The following IL26 variants were observed in gnomAD, a reference collection of about 807,000 sequenced individuals.
IL26 encodes the protein interleukin 26, also known as interleukin-26.
IL26 carries 23 observed loss-of-function variants against 21.7 expected under a neutral mutation model. The ratio of observed to expected loss-of-function variants is 1.06; its 90% CI spans 0.76 to 1.50. IL26 has a LOEUF of 1.50. Ranked by LOEUF, IL26 falls within the 40% of genes most tolerant of loss-of-function variation. The pLI, the probability that IL26 is intolerant of heterozygous loss-of-function variation, is 0.00. For missense variants in IL26, 204 were observed against 196.0 expected, an observed-to-expected ratio of 1.04 and a Z score of -0.24; for synonymous variants, 63 against 67.8, an observed-to-expected ratio of 0.93 and a Z score of 0.34.
rs111848455 is a variant in IL26, at chr12:68,205,917, G to A, written c.364-3834C>T. On this transcript the variant is annotated intron_variant, in intron 3 of 4. Coordinates refer to ENST00000229134, the MANE Select transcript of IL26 (RefSeq NM_018402.2). ...CTTCTTCTATGTCTTCTTCCTCATC[G>A]TCTGGCACTGGTTCAGAAACACTCA... 4.6e-4 allele frequency among the ~76,000 whole-genome samples: 70 copies of A among 152,122 alleles called. 2 individuals are homozygous for A. The highest frequency in any genetic ancestry group is 1.5e-3 in the African/African-American group (64 of 41,478).
intron 3 of IL26, among the ~76,000 whole-genome samples, chr12:68,221,992 ATACCCT>A (rs1869058769): frequency 6.6e-6 from 1 of 152,248 alleles, no homozygotes. Context: ...AACCAGAGTC[ATACCCT>A]ATTTGGTAAA....
chr12:68,205,335 C>CG (rs1487109918), intron 3 of IL26, among the ~76,000 whole-genome samples: 1 of 138,702 alleles, frequency 7.2e-6, no homozygotes, highest in African/African-American at 2.7e-5. Context: ...CATTAGACCC[C>CG]CCCCAAATTA....
At chr12:68,202,838 T>C (rs1868425974) in intron 3 of IL26, among the ~76,000 whole-genome samples, 1 of 151,746 alleles carries the variant, frequency 6.6e-6, no homozygotes, top group African/African-American at 2.4e-5. Context: ...AGAGAGAAAG[T>C]TGGGGAGAAG....
intron 3 of IL26, among the ~76,000 whole-genome samples, chr12:68,218,187 CA>C (rs1347584324): frequency 2.6e-5 from 4 of 152,054 alleles, no homozygotes; most frequent in African/African-American, 4.8e-5. Context: ...GACATTTGAT[CA>C]AAATTACCAG....
intron 3 of IL26, among the ~76,000 whole-genome samples, chr12:68,204,205 G>A (rs889063403): frequency 2.8e-5 from 4 of 144,362 alleles, no homozygotes; most frequent in African/African-American, 1.0e-4. Context: ...GTGCAGTGGC[G>A]CAATCTTGGC....
At chr12:68,216,514 C>T (rs891303813) in intron 3 of IL26, among the ~76,000 whole-genome samples, 1 of 152,156 alleles carries the variant, frequency 6.6e-6, no homozygotes, top group Admixed American at 6.5e-5. Flanking sequence ...ATTCTCCCAA[C>T]GACCTTAAGA....
chr12:68,212,632 A>G (rs953970623), intron 3 of IL26, among the ~76,000 whole-genome samples: 3 of 152,054 alleles, frequency 2.0e-5, no homozygotes, highest in Non-Finnish European at 2.9e-5. Flanking sequence ...TTCCTTGGTT[A>G]AATTTATTCC....
intron 3 of IL26, among the ~76,000 whole-genome samples, chr12:68,203,863 G>A (rs931385174): frequency 6.6e-6 from 1 of 152,118 alleles, no homozygotes; most frequent in Non-Finnish European, 1.5e-5. Context: ...GACACAGACT[G>A]CTCAGCTTAA....
intron 3 of IL26, among the ~76,000 whole-genome samples, chr12:68,204,435 G>A (rs1868477511): frequency 6.6e-6 from 1 of 152,076 alleles, no homozygotes; most frequent in Admixed American, 6.5e-5. Context: ...GAGCCGCCGC[G>A]CCTGGCCAGG....
At chr12:68,216,535 G>C (rs1318997154) in intron 3 of IL26, among the ~76,000 whole-genome samples, 4 of 152,174 alleles carry the variant, frequency 2.6e-5, no homozygotes, top group Non-Finnish European at 5.9e-5. Context: ...TGAGGCTACT[G>C]TTATTGAAGA....
At chr12:68,222,732 A>T (rs1461447446) in intron 3 of IL26, among the ~76,000 whole-genome samples, 1 of 152,070 alleles carries the variant, frequency 6.6e-6, no homozygotes. Context: ...ACCAATTGTG[A>T]CTTGATCACT....
chr12:68,203,688 C>T (rs2120417776), intron 3 of IL26, among the ~76,000 whole-genome samples: 2 of 152,268 alleles, frequency 1.3e-5, no homozygotes, highest in South Asian at 4.2e-4. Flanking sequence ...CTGAGGTCAA[C>T]CAACAGGTCT....
At chr12:68,215,572 T>G (rs1321694833) in intron 3 of IL26, among the ~76,000 whole-genome samples, 1 of 152,214 alleles carries the variant, frequency 6.6e-6, no homozygotes, top group Non-Finnish European at 1.5e-5. Context: ...AGAGAAATTA[T>G]GTATCATTAA....
intron 3 of IL26, among the ~76,000 whole-genome samples, chr12:68,223,157 C>CG (rs1356232445): frequency 3.3e-5 from 5 of 152,240 alleles, no homozygotes; most frequent in African/African-American, 1.2e-4. Flanking sequence ...TTATGTTTCA[C>CG]GGGGGAGCTT....
rs1343056728 is a variant in IL26 at position 68,225,616 on chromosome 12, G to T, written c.141C>A (p.Ile47=). The part of the protein sequence containing the change: ...TLSQAVDALY[I]KAAWLKATIP... ...TCGTTGCTTTGAGCCATGCTGCTTT[G>T]ATATAGAGAGCGTCAACAGCTTGGG... Residue 47 remains isoleucine, a synonymous_variant, in exon 1 of 5, where the codon ATC becomes ATA. Coordinates refer to ENST00000229134, the MANE Select transcript of IL26 (RefSeq NM_018402.2). The T allele has an allele frequency of 1.5e-5, 25 of 1,613,894 alleles. No individual in the cohort carries two copies. Among genetic ancestry groups the T allele is most frequent in the Non-Finnish European group, 1.9e-5 (23 of 1,179,908 alleles).
At chr12:68,222,763 C>G (rs1869091112) in intron 3 of IL26, among the ~76,000 whole-genome samples, 1 of 152,134 alleles carries the variant, frequency 6.6e-6, no homozygotes, top group South Asian at 2.1e-4. Context: ...ATCCCCAGAG[C>G]TTTGTTTTAC....
chr12:68,222,494 A>C (rs1861490), intron 3 of IL26, among the ~76,000 whole-genome samples: 42,105 of 152,138 alleles, frequency 0.28, 7,241 homozygotes, highest in Non-Finnish European at 0.4. Context: ...TTGCTCAATC[A>C]ACCCCTCAGA....
intron 2 of IL26, 56 bp from the exon 3 acceptor site, chr12:68,225,339 TC>T: frequency 6.4e-7 from 1 of 1,557,050 alleles, no homozygotes; most frequent in Non-Finnish European, 8.7e-7. Context: ...TTTTTTAATG[TC>T]CCCCGATCAT....
chr12:68,209,018 A>T (rs963542378), intron 3 of IL26, among the ~76,000 whole-genome samples: 10 of 152,232 alleles, frequency 6.6e-5, no homozygotes, highest in African/African-American at 2.4e-4. Flanking sequence ...AGTGACCCTT[A>T]TAACTTTGTC....
Sources: gnomAD v4.1 joint callset for allele counts (sites outside exome capture counted in the v4.1 genomes callset) on GRCh38, gnomAD v4.1.1 for gene constraint, MANE v1.5 for transcripts, NCBI Gene and HGNC (gene_info 2026-07-23, HGNC 2026-07-21) for gene names.